Variants in STARD6 observed in about 807,000 individuals in gnomAD.
STARD6 encodes stAR-related lipid transfer protein 6.
In STARD6, 21 loss-of-function variants were observed where a neutral mutation model predicts 22.3. The observed-to-expected ratio is 0.94, with a 90% CI of 0.67 to 1.35. STARD6 has a LOEUF of 1.35. STARD6 is among the 40% of genes most tolerant of loss of function. The pLI is 0.00. For missense variants in STARD6, 269 were observed against 266.9 expected, an observed-to-expected ratio of 1.01 and a Z score of -0.05; for synonymous variants, 80 against 88.1, an observed-to-expected ratio of 0.91 and a Z score of 0.52.
At chr18:54,331,892 G>A (rs755043338) in intron 5 of STARD6, 33 bp from the exon 6 acceptor site, 6 of 1,401,070 alleles carry the variant, frequency 4.3e-6, no homozygotes, top group Non-Finnish European at 6.0e-6. Context: ...GATAACAAAC[G>A]TTACTTAATA....
chr18:54,347,605 C>T (rs901273383), intron 4 of STARD6, among the ~76,000 whole-genome samples: 1 of 151,978 alleles, frequency 6.6e-6, no homozygotes, highest in African/African-American at 2.4e-5. Flanking sequence ...CAACGCTTTC[C>T]AAATTATTAT....
chr18:54,342,480 C>G (rs551045522), intron 4 of STARD6, among the ~76,000 whole-genome samples: 1 of 127,448 alleles, frequency 7.8e-6, no homozygotes, highest in Non-Finnish European at 1.7e-5. Context: ...TCTCCGTCTC[C>G]GTCTCCGTCT....
chr18:54,324,971 A>T, intron 7 of STARD6, 96 bp from the exon 8 acceptor site: 1 of 973,806 alleles, frequency 1.0e-6, no homozygotes, highest in Non-Finnish European at 1.4e-6. Context: ...TATCTTATTC[A>T]CCGTTGACAT....
At chr18:54,350,672 T>C (rs1040062237) in intron 4 of STARD6, among the ~76,000 whole-genome samples, 2 of 152,196 alleles carry the variant, frequency 1.3e-5, no homozygotes, top group East Asian at 3.8e-4. Flanking sequence ...AGGTAAGAGA[T>C]GAAGATCCAG....
At chr18:54,337,074 A>G in intron 5 of STARD6, 51 bp downstream of exon 5, 1 of 1,510,096 alleles carries the variant, frequency 6.6e-7, no homozygotes, top group Non-Finnish European at 9.0e-7. Context: ...CTAAGGTATA[A>G]ACTAAAAATA....
chr18:54,339,792 A>G (rs1219976825), intron 4 of STARD6, among the ~76,000 whole-genome samples: 1 of 152,206 alleles, frequency 6.6e-6, no homozygotes, highest in Non-Finnish European at 1.5e-5. Flanking sequence ...ATAAAGAGTT[A>G]CAGTAACAAT....
intron 4 of STARD6, among the ~76,000 whole-genome samples, chr18:54,340,880 CAGAGATAAA>C (rs1328661646): frequency 6.6e-6 from 1 of 152,030 alleles, no homozygotes; most frequent in Non-Finnish European, 1.5e-5. Flanking sequence ...AAACTATTAG[CAGAGATAAA>C]GAGGGATATA....
At chr18:54,334,570 A>G (rs1203041669) in intron 5 of STARD6, among the ~76,000 whole-genome samples, 1 of 151,802 alleles carries the variant, frequency 6.6e-6, no homozygotes, top group Non-Finnish European at 1.5e-5. Context: ...AACACTGCCA[A>G]ACTCTTTCTA....
chr18:54,324,740 T>C lies in STARD6; in HGVS notation c.615A>G (p.Ala205=), dbSNP rs1310011841. 2.5e-6 allele frequency: 4 copies of C among 1,613,214 alleles called. No individual in the cohort carries two copies. In the South Asian group the frequency reaches 4.4e-5, roughly 18 times the overall value. Residue 205 remains alanine, a synonymous_variant, in exon 8 of 8, where the codon GCA becomes GCG. Coordinates refer to ENST00000307844, the MANE Select transcript of STARD6 (RefSeq NM_139171.2). ...FILNAKDGIK[A]HRTPSRRGFH... ...ATCCACGTCTTGATGGAGTTCTGTG[T>C]GCCTTTATTCCATCTTTTGCATTGA...
intron 4 of STARD6, among the ~76,000 whole-genome samples, chr18:54,341,334 C>G (rs971656381): frequency 2.0e-5 from 3 of 152,208 alleles, no homozygotes; most frequent in African/African-American, 7.2e-5. Flanking sequence ...GCTGGGATTA[C>G]AGGCGTGAGC....
chr18:54,329,407 G>A lies in STARD6; in HGVS notation c.419C>T (p.Ser140Phe). The change falls in exon 7 of 8, where the codon TCT (serine) becomes TTT (phenylalanine). Residue 140 changes from serine to phenylalanine, a missense_variant. Ser to Phe is a radical substitution (Grantham distance 155). Transcript: ENST00000307844. ...KSVDFPEYPP[S>F]SNYIRGYNHP... is the part of the protein sequence containing the mutation. Reference sequence around the variant, plus strand: ...GTTATAACCGCGGATATAATTTGAAGATGGAGGATATTCTGGAAAATCCAC... The same window carrying A: ...GTTATAACCGCGGATATAATTTGAAAATGGAGGATATTCTGGAAAATCCAC... 1 of 1,603,632 alleles carries A rather than the reference G, an allele frequency of 6.2e-7. No homozygotes were observed. The highest frequency in any genetic ancestry group is 8.5e-7 in the Non-Finnish European group (1 of 1,176,040).
chr18:54,337,311 A>G (rs756817008), intron 4 of STARD6, 60 bp from the exon 5 acceptor site: 70 of 1,509,226 alleles, frequency 4.6e-5, no homozygotes, highest in Admixed American at 2.9e-4. Flanking sequence ...AGCTGAAAAT[A>G]TAATACTATC....
intron 4 of STARD6, among the ~76,000 whole-genome samples, chr18:54,346,045 C>T (rs2089030653): frequency 1.3e-5 from 2 of 152,060 alleles, no homozygotes; most frequent in South Asian, 2.1e-4. Flanking sequence ...ACACAAGTAA[C>T]ACAACAGAAG....
At chr18:54,329,109 G>A (rs1303698421) in intron 7 of STARD6, among the ~76,000 whole-genome samples, 1 of 152,108 alleles carries the variant, frequency 6.6e-6, no homozygotes, top group Non-Finnish European at 1.5e-5. Context: ...ATGTTTGTGT[G>A]TGTTTGACTG....
intron 4 of STARD6, among the ~76,000 whole-genome samples, chr18:54,344,536 T>C (rs909154737): frequency 1.4e-5 from 1 of 70,852 alleles, no homozygotes; most frequent in African/African-American, 6.4e-5. Flanking sequence ...CCCTGCCAAA[T>C]CCCCCTCTGT....
intron 4 of STARD6, among the ~76,000 whole-genome samples, chr18:54,339,326 A>G (rs949849677): frequency 6.6e-6 from 1 of 151,950 alleles, no homozygotes; most frequent in East Asian, 1.9e-4. Context: ...TAGAAATAAA[A>G]TAATGAGTAA....
intron 4 of STARD6, among the ~76,000 whole-genome samples, chr18:54,337,741 C>T (rs896658587): frequency 6.6e-5 from 10 of 152,198 alleles, no homozygotes; most frequent in Non-Finnish European, 1.3e-4. Flanking sequence ...ACTTTGCCAA[C>T]CCCTGGCTTA....
Position 54,346,841 on chromosome 18 carries a change from T to C in STARD6, c.140+7213A>G, listed in dbSNP as rs145777475. ...ATAGCATGTGATCTCCTTTATGACA[T>C]GTCCAGAATAGGCAAATATAAAAGG... On this transcript the variant is annotated intron_variant, in intron 4 of 7. Transcript: ENST00000307844. Among the ~76,000 whole-genome samples the C allele has an allele frequency of 2.6e-5, 4 of 152,218 alleles. No homozygotes were observed. The South Asian group carries it at 8.3e-4, about 32-fold the overall frequency.
intron 5 of STARD6, 92 bp downstream of exon 5, chr18:54,337,033 G>C (rs767718819): frequency 2.1e-5 from 24 of 1,140,112 alleles, no homozygotes; most frequent in Non-Finnish European, 2.9e-5. Flanking sequence ...ATAAAATACT[G>C]TGTCTACATA....
Sources: allele counts gnomAD v4.1 joint callset (sites outside exome capture counted in the v4.1 genomes callset), GRCh38; gene constraint gnomAD v4.1.1; transcripts MANE v1.5; gene names NCBI Gene and HGNC (gene_info 2026-07-23, HGNC 2026-07-21).